The following ARHGAP28 variants were observed in gnomAD, a reference collection of about 807,000 sequenced individuals.
ARHGAP28 encodes the protein rho GTPase-activating protein 28.
In ARHGAP28, 56 loss-of-function variants were observed where a neutral mutation model predicts 90.7. The ratio of observed to expected loss-of-function variants is 0.62; its 90% CI spans 0.50 to 0.77. The LOEUF (loss-of-function observed/expected upper bound fraction) is 0.77, where lower values mean the gene tolerates loss of function less well. ARHGAP28 is among the 30% of genes least tolerant of loss of function. The probability of loss-of-function intolerance (pLI) is 0.00; values close to 1 mark genes in which losing one functional copy is unlikely to be tolerated. For missense variants in ARHGAP28, 869 were observed against 900.9 expected, an observed-to-expected ratio of 0.96 and a Z score of 0.45; for synonymous variants, 308 against 323.3, an observed-to-expected ratio of 0.95 and a Z score of 0.51.
intron 17 of ARHGAP28, 72 bp from the exon 18 acceptor site, chr18:6,911,988 C>G: frequency 1.1e-6 from 1 of 942,294 alleles, no homozygotes; most frequent in Admixed American, 2.4e-5. Context: ...CAAACACACA[C>G]AGACACATAT....
At chr18:6,912,001 G>A in intron 17 of ARHGAP28, 59 bp from the exon 18 acceptor site, 2 of 1,134,398 alleles carry the variant, frequency 1.8e-6, no homozygotes, top group Middle Eastern at 2.0e-4. Flanking sequence ...ACACATATGT[G>A]TGCGCACGCA....
intron 3 of ARHGAP28, 88 bp from the exon 4 acceptor site, chr18:6,850,946 A>G: frequency 6.4e-7 from 1 of 1,568,830 alleles, no homozygotes; most frequent in Non-Finnish European, 8.7e-7. Context: ...ACATATATAT[A>G]AAAACTCTAG....
chr18:6,867,107 G>A (rs2057043493), intron 5 of ARHGAP28, among the ~76,000 whole-genome samples: 1 of 151,966 alleles, frequency 6.6e-6, no homozygotes, highest in Non-Finnish European at 1.5e-5. Context: ...TACAGTAATT[G>A]GGCATCTATG....
At chr18:6,890,319 T>C in intron 13 of ARHGAP28, 111 bp from the exon 14 acceptor site, 1 of 772,428 alleles carries the variant, frequency 1.3e-6, no homozygotes, top group Non-Finnish European at 2.1e-6. Flanking sequence ...CCACCATTCC[T>C]GGCTCCAGGA....
intron 2 of ARHGAP28, among the ~76,000 whole-genome samples, chr18:6,826,117 G>GT (rs35995654): frequency 0.64 from 88,787 of 138,306 alleles, 29,016 homozygotes; most frequent in South Asian, 0.73. Context: ...CATTGCCAGT[G>GT]TTTTTTTTTT....
At chr18:6,852,173 G>A (rs2056915981) in intron 4 of ARHGAP28, among the ~76,000 whole-genome samples, 1 of 152,074 alleles carries the variant, frequency 6.6e-6, no homozygotes, top group African/African-American at 2.4e-5. Flanking sequence ...GTCTATTTGT[G>A]TGTTACATAT....
intron 3 of ARHGAP28, among the ~76,000 whole-genome samples, chr18:6,844,385 G>A (rs1245273414): frequency 1.3e-5 from 2 of 152,154 alleles, no homozygotes; most frequent in African/African-American, 4.8e-5. Flanking sequence ...CAACAGACTG[G>A]ATTTGGGGTG....
intron 1 of ARHGAP28, among the ~76,000 whole-genome samples, chr18:6,781,390 G>A (rs1291282574): frequency 1.3e-5 from 2 of 152,166 alleles, no homozygotes; most frequent in Non-Finnish European, 2.9e-5. Context: ...CTGCCACGGG[G>A]ATCCTTATCT....
At chr18:6,837,809 G>T (rs75211106) in intron 3 of ARHGAP28, among the ~76,000 whole-genome samples, 91 of 152,106 alleles carry the variant, frequency 6.0e-4, no homozygotes, top group Admixed American at 1.8e-3. Flanking sequence ...TGGGGGGTGG[G>T]GATGAGAGAT....
chr18:6,912,795 C>T lies in ARHGAP28; in HGVS notation c.*641C>T, dbSNP rs1238465852. The T allele has an allele frequency of 6.6e-6, 1 of 152,200 alleles. No individual in the cohort carries two copies. The highest frequency in any genetic ancestry group is 1.5e-5 in the Non-Finnish European group (1 of 68,040). The allele number at this position is 152,200 out of a possible 1,614,324, so 9.4% of individuals were successfully genotyped here. A position where few individuals can be genotyped will look rare whatever the true frequency, so the allele number is the denominator to read the frequency against. On this transcript the variant is annotated 3_prime_UTR_variant, in exon 18 of 18. Coordinates refer to ENST00000383472, the MANE Select transcript of ARHGAP28 (RefSeq NM_001366230.1). ...CATTCTGGTGCAAATGAACTTTTCT[C>T]CATCATCGACTGTGGAAAATTGATA...
chr18:6,771,646 G>A (rs1032701863), intron 1 of ARHGAP28, among the ~76,000 whole-genome samples: 2 of 152,194 alleles, frequency 1.3e-5, no homozygotes, highest in African/African-American at 4.8e-5. Flanking sequence ...GAATTGATCT[G>A]TGGTCCTTAG....
At chr18:6,898,457 TG>T in intron 16 of ARHGAP28, 1 of 1,608,522 alleles carries the variant, frequency 6.2e-7, no homozygotes, top group Non-Finnish European at 8.5e-7. Context: ...GGCAGCGAGC[TG>T]CACTTTCCTT....
intron 1 of ARHGAP28, among the ~76,000 whole-genome samples, chr18:6,816,812 G>A (rs1430438349): frequency 2.0e-5 from 3 of 152,130 alleles, no homozygotes; most frequent in Admixed American, 6.5e-5. Flanking sequence ...TGAAGGCCAG[G>A]TGTGGTGGCT....
chr18:6,821,534 A>C (rs558956494), intron 1 of ARHGAP28, among the ~76,000 whole-genome samples: 2 of 152,320 alleles, frequency 1.3e-5, no homozygotes, highest in African/African-American at 4.8e-5. Flanking sequence ...AAATTACGTA[A>C]TGTTTCAAGA....
Position 6,755,153 on chromosome 18 carries a change from A to G in ARHGAP28, c.122+25210A>G, listed in dbSNP as rs201855216. Among the ~76,000 whole-genome samples, 14 of 152,284 alleles carry G rather than the reference A, an allele frequency of 9.2e-5. 1 individual carries two copies. Among genetic ancestry groups the G allele is most frequent in the Admixed American group, 4.6e-4 (7 of 15,300 alleles). On this transcript the variant is annotated intron_variant, in intron 1 of 17. Transcript: ENST00000383472. Reference sequence around the variant, plus strand: ...GCGCCACTGCACTCCAGCTTGGGTGACAGAGTGAGACTCTGTCTTAAAGCA... The same window carrying G: ...GCGCCACTGCACTCCAGCTTGGGTGGCAGAGTGAGACTCTGTCTTAAAGCA...
At chr18:6,888,626 A>G (rs1272871066) in intron 12 of ARHGAP28, among the ~76,000 whole-genome samples, 1 of 152,192 alleles carries the variant, frequency 6.6e-6, no homozygotes, top group African/African-American at 2.4e-5. Flanking sequence ...CGCTTTGTCT[A>G]CAGAGTGTTC....
At chr18:6,902,160 T>C (rs2057341716) in intron 16 of ARHGAP28, among the ~76,000 whole-genome samples, 1 of 152,162 alleles carries the variant, frequency 6.6e-6, no homozygotes, top group Admixed American at 6.5e-5. Context: ...AATTACTAAA[T>C]GTAATGTGAA....
In ARHGAP28 at chr18:6,841,194, TCTCTCTCTC is replaced by T. The variant is rs1259199744; in HGVS notation, c.543+3786_543+3794del. The stretch of plus-strand genomic sequence containing the variant: ...TCTCTCTCTCTCCTCTCTCTCTCTC[TCTCTCTCTC>T]CTCTCCTCTCTCTCTCTCTCCCCCC... On this transcript the variant is annotated intron_variant, in intron 3 of 17. Transcript: ENST00000383472. Among the ~76,000 whole-genome samples, 452 of 64,088 alleles carry T rather than the reference TCTCTCTCTC, an allele frequency of 7.1e-3. 15 individuals carry two copies. The highest frequency in any genetic ancestry group is 0.036 in the African/African-American group (426 of 11,948). The allele number at this position is 64,088 out of a possible 152,430, so 42.0% of individuals were successfully genotyped here. A position where few individuals can be genotyped will look rare whatever the true frequency, so the allele number is the denominator to read the frequency against.
At chr18:6,839,585 CTG>C (rs1567965547) in intron 3 of ARHGAP28, among the ~76,000 whole-genome samples, 8 of 152,314 alleles carry the variant, frequency 5.3e-5, no homozygotes, top group East Asian at 1.9e-4. Context: ...GCGTGAGCCA[CTG>C]CGCCCGGCCA....
Sources: allele counts gnomAD v4.1 joint callset (sites outside exome capture counted in the v4.1 genomes callset), GRCh38; gene constraint gnomAD v4.1.1; transcripts MANE v1.5; gene names NCBI Gene and HGNC (gene_info 2026-07-23, HGNC 2026-07-21).